The following SKAP1 variants were observed in gnomAD, a reference collection of about 807,000 sequenced individuals.
SKAP1 encodes the protein src kinase-associated phosphoprotein 1.
A neutral mutation model predicts 58.5 loss-of-function variants in SKAP1; 44 were observed. The observed-to-expected ratio is 0.75, with a 90% CI of 0.59 to 0.97. SKAP1 has a LOEUF of 0.97. Ranked by LOEUF, SKAP1 falls within the 50% of genes least tolerant of loss-of-function variation. The pLI is 0.00. For missense variants in SKAP1, 390 were observed against 435.2 expected (o/e 0.90, Z 0.92); for synonymous variants, 127 against 149.7 (o/e 0.85, Z 1.11).
upstream of SKAP1, among the ~76,000 whole-genome samples, chr17:48,430,655 G>A (rs187828105): frequency 1.9e-3 from 295 of 152,264 alleles, 2 homozygotes; most frequent in African/African-American, 6.8e-3. Context: ...GCAAAACTTC[G>A]CTCTTTGGGA....
intron 3 of SKAP1, among the ~76,000 whole-genome samples, chr17:48,362,551 CT>C (rs1216538807): frequency 6.6e-6 from 1 of 152,234 alleles, no homozygotes; most frequent in Non-Finnish European, 1.5e-5. Context: ...AAATTATCCA[CT>C]GCTCAATCTA....
At position 48,429,650 on chromosome 17, in the gene SKAP1, G is replaced by A. The variant is rs78131142; in HGVS notation, c.46+425C>T. On this transcript the variant is annotated intron_variant, in intron 1 of 12. Transcript: ENST00000336915. ...CCCTCGCAGCCCCCTGGAGAGCCTC[G>A]GGGACCTCTAAGCAGGAAGGTTTGG... Among the ~76,000 whole-genome samples, 8 of 152,268 alleles carry A rather than the reference G, an allele frequency of 5.3e-5. No individual in the cohort carries two copies. The East Asian group carries it at 1.3e-3, about 26-fold the overall frequency.
intron 4 of SKAP1, 94 bp downstream of exon 4, chr17:48,345,811 G>C: frequency 1.2e-6 from 1 of 807,412 alleles, no homozygotes; most frequent in Admixed American, 2.1e-5. Flanking sequence ...CCCACCAAAG[G>C]CTGCTAGATA....
At chr17:48,165,690 G>A (rs1475800640) in intron 10 of SKAP1, among the ~76,000 whole-genome samples, 1 of 152,134 alleles carries the variant, frequency 6.6e-6, no homozygotes, top group Non-Finnish European at 1.5e-5. Flanking sequence ...ATGAACCACT[G>A]TGCCCGGCCG....
At chr17:48,193,334 C>T (rs12936369) in intron 4 of SKAP1, among the ~76,000 whole-genome samples, 16,982 of 152,156 alleles carry the variant, frequency 0.11, 1,018 homozygotes, top group East Asian at 0.19. Flanking sequence ...TGAGCCACCG[C>T]ACCCGGTCTA....
At chr17:48,239,983 T>C (rs868217937) in intron 4 of SKAP1, among the ~76,000 whole-genome samples, 2 of 152,104 alleles carry the variant, frequency 1.3e-5, no homozygotes, top group Non-Finnish European at 2.9e-5. Flanking sequence ...AGAAGGTAGA[T>C]GTTAAAGACC....
At chr17:48,324,534 T>C (rs920581885) in intron 4 of SKAP1, among the ~76,000 whole-genome samples, 5 of 152,098 alleles carry the variant, frequency 3.3e-5, no homozygotes, top group Admixed American at 1.3e-4. Context: ...GGGAGCTCAC[T>C]GTATGTACTG....
chr17:48,399,772 A>G (rs2067472063), intron 1 of SKAP1, among the ~76,000 whole-genome samples: 1 of 151,570 alleles, frequency 6.6e-6, no homozygotes, highest in South Asian at 2.1e-4. Flanking sequence ...CAAAAAAAAA[A>G]AAAAATTAAA....
At chr17:48,242,080 T>C (rs547198142) in intron 4 of SKAP1, among the ~76,000 whole-genome samples, 3 of 152,342 alleles carry the variant, frequency 2.0e-5, no homozygotes, top group Admixed American at 2.0e-4. Context: ...CATTTTCTTA[T>C]TATTTTTCTC....
chr17:48,436,474 C>G, the SKAP1 span, among the ~76,000 whole-genome samples: 1 of 152,188 alleles, frequency 6.6e-6, no homozygotes, highest in African/African-American at 2.4e-5. Context: ...CAAAATGGCA[C>G]TGTCAGTTCA....
intron 10 of SKAP1, among the ~76,000 whole-genome samples, chr17:48,163,477 G>A (rs1161183939): frequency 6.6e-6 from 1 of 152,198 alleles, no homozygotes; most frequent in Non-Finnish European, 1.5e-5. Context: ...AGGATCTGGG[G>A]ATTTGAATGG....
At chr17:48,167,875 T>C (rs1251404534) in intron 10 of SKAP1, among the ~76,000 whole-genome samples, 1 of 152,194 alleles carries the variant, frequency 6.6e-6, no homozygotes, top group Non-Finnish European at 1.5e-5. Context: ...TACCTTTTCA[T>C]GATAGGGAAA....
At chr17:48,392,105 T>C (rs2067356118) in intron 2 of SKAP1, among the ~76,000 whole-genome samples, 1 of 152,194 alleles carries the variant, frequency 6.6e-6, no homozygotes, top group South Asian at 2.1e-4. Context: ...TTTCTTCCTA[T>C]AATACAAAAA....
intron 1 of SKAP1, among the ~76,000 whole-genome samples, chr17:48,426,373 CT>C (rs1377649450): frequency 6.6e-6 from 1 of 152,234 alleles, no homozygotes; most frequent in Non-Finnish European, 1.5e-5. Context: ...GACCTATCAG[CT>C]ACCAGGGTAA....
At chr17:48,230,162 T>C (rs948596970) in intron 4 of SKAP1, among the ~76,000 whole-genome samples, 9 of 152,142 alleles carry the variant, frequency 5.9e-5, no homozygotes, top group Non-Finnish European at 1.3e-4. Context: ...AAAAAAGATG[T>C]TGATTTCCTG....
At chr17:48,141,266 T>C (rs1038431223) in intron 11 of SKAP1, among the ~76,000 whole-genome samples, 2 of 152,180 alleles carry the variant, frequency 1.3e-5, no homozygotes, top group Non-Finnish European at 2.9e-5. Flanking sequence ...ATTCTTCTTC[T>C]CCACTCTATT....
rs182797203 is a variant in SKAP1, at chr17:48,357,584, C to A, written c.178+6205G>T. Among the ~76,000 whole-genome samples, 750 of 151,786 alleles carry A rather than the reference C, an allele frequency of 4.9e-3. 6 individuals are homozygous for A. The highest frequency in any genetic ancestry group is 0.034 in the Middle Eastern group (10 of 294). The stretch of plus-strand genomic sequence containing the variant: ...GGCAGAGCTTGCAGTGAGCCAAGAT[C>A]GTGCCACTGCACTCCAGCCTGGGTG... On this transcript the variant is annotated intron_variant, in intron 3 of 12. Coordinates refer to ENST00000336915, the MANE Select transcript of SKAP1 (RefSeq NM_003726.4).
chr17:48,396,855 A>G, intron 1 of SKAP1, 70 bp from the exon 2 acceptor site: 8 of 1,137,716 alleles, frequency 7.0e-6, no homozygotes, highest in Non-Finnish European at 1.1e-5. Context: ...AGAAGGATTA[A>G]GAAATGGCAC....
At chr17:48,244,021 G>A (rs2143836204) in intron 4 of SKAP1, among the ~76,000 whole-genome samples, 1 of 152,274 alleles carries the variant, frequency 6.6e-6, no homozygotes, top group South Asian at 2.1e-4. Context: ...AAGGAACTAA[G>A]AGAATAAAAT....
Sources: allele counts gnomAD v4.1 joint callset (sites outside exome capture counted in the v4.1 genomes callset), GRCh38; gene constraint gnomAD v4.1.1; transcripts MANE v1.5; gene names NCBI Gene and HGNC (gene_info 2026-07-23, HGNC 2026-07-21).